Variants in NAV3 observed in about 807,000 individuals in gnomAD.
NAV3 encodes the protein neuron navigator 3, also known as pore membrane and/or filament interacting like protein 1.
In NAV3, 87 loss-of-function variants were observed where a neutral mutation model predicts 244.7. That is an observed-to-expected ratio of 0.36 (90% CI 0.30 to 0.42). The LOEUF is 0.42. Ranked by LOEUF, NAV3 falls within the 20% of genes least tolerant of loss-of-function variation. The pLI is 1.00. For synonymous variants in NAV3, 1,126 were observed against 1,042.2 expected (o/e 1.08, Z -1.55); for missense variants, 2,663 against 2,893.3 (o/e 0.92, Z 1.83).
chr12:77,772,363 A>T (rs1870137649), intron 2 of NAV3, among the ~76,000 whole-genome samples: 1 of 152,232 alleles, frequency 6.6e-6, no homozygotes, highest in African/African-American at 2.4e-5. Flanking sequence ...TTAGTTAATT[A>T]GGAAAAAGCA....
At chr12:77,785,283 A>G (rs1214659632) in intron 2 of NAV3, among the ~76,000 whole-genome samples, 2 of 152,094 alleles carry the variant, frequency 1.3e-5, no homozygotes, top group Middle Eastern at 3.2e-3. Flanking sequence ...GACTCTGCCC[A>G]TGTGTTTCCT....
intron 2 of NAV3, among the ~76,000 whole-genome samples, chr12:77,721,583 A>C (rs1323032429): frequency 1.3e-5 from 2 of 152,130 alleles, no homozygotes; most frequent in Non-Finnish European, 2.9e-5. Context: ...AAAAACATGA[A>C]ATATAATCAA....
At chr12:77,597,535 A>G (rs1015970300) in intron 2 of NAV3, among the ~76,000 whole-genome samples, 7 of 152,258 alleles carry the variant, frequency 4.6e-5, no homozygotes, top group African/African-American at 1.4e-4. Flanking sequence ...GTAGGTGTTT[A>G]TAATTCAAAC....
rs11106450 is a variant in NAV3 at position 77,728,265 on chromosome 12, G to A, written c.72+155999G>A. ...GCCTAAGCTTGTCTGAGTTGGTTAC[G>A]ATGATTTGTGGTCAAAAGTGTTTTG... On this transcript the variant is annotated intron_variant, in intron 2 of 8. Transcript: ENST00000550042. Among the ~76,000 whole-genome samples the A allele has an allele frequency of 4.6e-5, 7 of 152,066 alleles. No homozygotes were observed. The South Asian group carries it at 1.0e-3, about 22-fold the overall frequency.
intron 9 of NAV3, among the ~76,000 whole-genome samples, chr12:78,029,450 A>G (rs561823093): frequency 2.6e-4 from 40 of 152,202 alleles, no homozygotes; most frequent in Non-Finnish European, 4.4e-4. Flanking sequence ...TCATTACAGA[A>G]CAATAAATTA....
chr12:78,123,212 CT>C (rs1192767632), intron 16 of NAV3, among the ~76,000 whole-genome samples: 1 of 152,084 alleles, frequency 6.6e-6, no homozygotes, highest in East Asian at 1.9e-4. Context: ...CTTCTTTTTC[CT>C]GATAAATGCA....
chr12:78,066,961 A>G (rs1411395133), intron 12 of NAV3, among the ~76,000 whole-genome samples: 1 of 152,150 alleles, frequency 6.6e-6, no homozygotes, highest in Non-Finnish European at 1.5e-5. Context: ...GCAGAAAATT[A>G]CATTGCCATG....
chr12:77,769,615 T>C (rs1447315425), intron 2 of NAV3, among the ~76,000 whole-genome samples: 1 of 152,240 alleles, frequency 6.6e-6, no homozygotes, highest in Non-Finnish European at 1.5e-5. Context: ...TACAGACTTA[T>C]AAATTAGTAA....
At chr12:78,025,424 C>CT (rs1877862839) in intron 9 of NAV3, among the ~76,000 whole-genome samples, 1 of 151,646 alleles carries the variant, frequency 6.6e-6, no homozygotes, top group Non-Finnish European at 1.5e-5. Context: ...AGTGAAACCT[C>CT]ATCTTTACTA....
intron 1 of NAV3, among the ~76,000 whole-genome samples, chr12:77,917,815 C>T (rs1887304490): frequency 2.0e-5 from 3 of 151,928 alleles, no homozygotes; most frequent in Admixed American, 2.0e-4. Flanking sequence ...AGCCCATAGC[C>T]CCAAATTAAA....
intron 2 of NAV3, among the ~76,000 whole-genome samples, chr12:77,774,417 A>T (rs1220243258): frequency 6.6e-6 from 1 of 151,772 alleles, no homozygotes; most frequent in African/African-American, 2.4e-5. Context: ...CAATAGCTAC[A>T]TTCAAGGCAC....
intron 2 of NAV3, among the ~76,000 whole-genome samples, chr12:77,620,569 C>G (rs1190364025): frequency 4.6e-5 from 7 of 151,806 alleles, no homozygotes; most frequent in Admixed American, 3.9e-4. Flanking sequence ...TCAAGTGATT[C>G]TCTTGCCTCA....
At chr12:78,041,607 T>C (rs1472022879) in intron 9 of NAV3, among the ~76,000 whole-genome samples, 1 of 152,144 alleles carries the variant, frequency 6.6e-6, no homozygotes, top group African/African-American at 2.4e-5. Context: ...GAGCCATCTC[T>C]TACTGGTGAG....
At chr12:77,845,303 C>G (rs960623589) in intron 1 of NAV3, among the ~76,000 whole-genome samples, 8 of 152,180 alleles carry the variant, frequency 5.3e-5, no homozygotes, top group Non-Finnish European at 1.2e-4. Context: ...TAGATTGGGG[C>G]TCAGTGCAGT....
chr12:78,185,540 A>C, intron 30 of NAV3, 61 bp from the exon 31 acceptor site: 2 of 1,402,516 alleles, frequency 1.4e-6, no homozygotes, highest in South Asian at 2.4e-5. Context: ...AAAGAATGAC[A>C]GTAAACAAAT....
At chr12:78,116,400 A>C (rs1258453248) in intron 12 of NAV3, among the ~76,000 whole-genome samples, 2 of 152,228 alleles carry the variant, frequency 1.3e-5, no homozygotes, top group African/African-American at 4.8e-5. Context: ...TTTAGAACAA[A>C]GAATAAATTT....
At chr12:78,179,763 A>T in intron 29 of NAV3, 81 bp downstream of exon 29, 1 of 1,461,220 alleles carries the variant, frequency 6.8e-7, no homozygotes, top group Middle Eastern at 1.8e-4. Context: ...TTAACACAGA[A>T]TAAATTCCAC....
intron 2 of NAV3, among the ~76,000 whole-genome samples, chr12:77,717,847 G>A (rs1228605170): frequency 6.6e-6 from 1 of 152,064 alleles, no homozygotes; most frequent in Non-Finnish European, 1.5e-5. Flanking sequence ...TTGATTTCTA[G>A]CGATGTTGAA....
chr12:78,160,406 T>TGTGTGTGTGTGC (rs1555184851), intron 23 of NAV3, among the ~76,000 whole-genome samples: 1 of 138,820 alleles, frequency 7.2e-6, no homozygotes. Context: ...TGTGCGTGCG[T>TGTGTGTGTGTGC]GTGTGTGTGT....
Sources: gnomAD v4.1 joint callset for allele counts (sites outside exome capture counted in the v4.1 genomes callset) on GRCh38, gnomAD v4.1.1 for gene constraint, MANE v1.5 for transcripts, NCBI Gene and HGNC (gene_info 2026-07-23, HGNC 2026-07-21) for gene names.